Variants in CNTN5 observed in about 807,000 individuals in gnomAD.
The protein encoded by CNTN5 is contactin-5.
Under a neutral mutation model 129.1 loss-of-function variants are expected in CNTN5, and 77 were observed. The ratio of observed to expected loss-of-function variants is 0.60; its 90% CI spans 0.50 to 0.72. CNTN5 has a LOEUF of 0.72. Among genes scored for constraint, CNTN5 ranks in the 30% least tolerant of loss-of-function variants. CNTN5 has a pLI of 0.00. For synonymous variants in CNTN5, 509 were observed against 465.6 expected, an observed-to-expected ratio of 1.09 and a Z score of -1.20; for missense variants, 1,478 against 1,328.8, an observed-to-expected ratio of 1.11 and a Z score of -1.75.
chr11:99,489,771 T>C (rs1021393156), intron 2 of CNTN5, among the ~76,000 whole-genome samples: 2 of 152,152 alleles, frequency 1.3e-5, no homozygotes, highest in African/African-American at 2.4e-5. Context: ...ATCATATTCC[T>C]ACTGCAGACC....
chr11:100,115,828 T>C (rs910402789), intron 13 of CNTN5, among the ~76,000 whole-genome samples: 2 of 152,074 alleles, frequency 1.3e-5, no homozygotes, highest in African/African-American at 4.8e-5. Context: ...TTACAAGGTA[T>C]TTTGGGTTTT....
intron 3 of CNTN5, among the ~76,000 whole-genome samples, chr11:99,744,519 C>A (rs982431200): frequency 2.2e-5 from 2 of 92,952 alleles, no homozygotes; most frequent in African/African-American, 8.8e-5. Flanking sequence ...GGCAACATAG[C>A]AAAACCCCGT....
chr11:99,183,003 G>C (rs1325386340), intron 1 of CNTN5, among the ~76,000 whole-genome samples: 2 of 152,130 alleles, frequency 1.3e-5, no homozygotes, highest in Non-Finnish European at 2.9e-5. Flanking sequence ...ATCTGTCATA[G>C]GACCTGTCAC....
intron 2 of CNTN5, among the ~76,000 whole-genome samples, chr11:99,370,673 T>G (rs975338640): frequency 6.6e-6 from 1 of 152,210 alleles, no homozygotes; most frequent in African/African-American, 2.4e-5. Context: ...AGAAATGGAA[T>G]AGATACCCTC....
At chr11:100,325,342 T>G (rs568807323) in intron 21 of CNTN5, among the ~76,000 whole-genome samples, 1 of 152,288 alleles carries the variant, frequency 6.6e-6, no homozygotes, top group East Asian at 1.9e-4. Context: ...GCAACTTTTG[T>G]GTTAGAAATG....
chr11:99,336,694 G>T lies in CNTN5; in HGVS notation c.-71+11210G>T, dbSNP rs553725595. Among the ~76,000 whole-genome samples, 5 of 152,128 alleles carry T rather than the reference G, an allele frequency of 3.3e-5. No homozygotes were observed. In the South Asian group the frequency reaches 1.0e-3, roughly 32 times the overall value. On this transcript the variant is annotated intron_variant, in intron 2 of 24. Coordinates refer to ENST00000524871, the MANE Select transcript of CNTN5 (RefSeq NM_014361.4). Reference sequence around the variant, plus strand: ...GTCTCTACTAAAAGTACGACAATTAGCTGGGCATGGTGCTGGGTGCCTGTA... The same window carrying T: ...GTCTCTACTAAAAGTACGACAATTATCTGGGCATGGTGCTGGGTGCCTGTA...
At chr11:99,035,341 C>G (rs953163095) in intron 1 of CNTN5, among the ~76,000 whole-genome samples, 1 of 151,736 alleles carries the variant, frequency 6.6e-6, no homozygotes, top group Non-Finnish European at 1.5e-5. Context: ...CTTTCTGTCT[C>G]GTTGATCTGT....
At chr11:99,340,159 T>C (rs938470577) in intron 2 of CNTN5, among the ~76,000 whole-genome samples, 1 of 152,200 alleles carries the variant, frequency 6.6e-6, no homozygotes, top group African/African-American at 2.4e-5. Flanking sequence ...AACAAGATTC[T>C]TCTTGTTGAG....
At chr11:100,036,064 T>C (rs556469031) in intron 9 of CNTN5, among the ~76,000 whole-genome samples, 1 of 152,198 alleles carries the variant, frequency 6.6e-6, no homozygotes, top group Admixed American at 6.5e-5. Flanking sequence ...ATGAATGGTA[T>C]TGCCTAGGTT....
At chr11:99,355,412 G>A (rs1938578041) in intron 2 of CNTN5, among the ~76,000 whole-genome samples, 1 of 152,112 alleles carries the variant, frequency 6.6e-6, no homozygotes. Context: ...TCTGGGACCA[G>A]TTTCACATGA....
intron 3 of CNTN5, among the ~76,000 whole-genome samples, chr11:99,591,865 C>A (rs962735591): frequency 1.6e-4 from 25 of 152,096 alleles, no homozygotes; most frequent in African/African-American, 5.3e-4. Context: ...AACTGAAATA[C>A]CAGTATTTTG....
intron 1 of CNTN5, among the ~76,000 whole-genome samples, chr11:99,188,400 C>T (rs565415241): frequency 6.6e-6 from 1 of 151,866 alleles, no homozygotes; most frequent in South Asian, 2.1e-4. Flanking sequence ...ACGAGAATGT[C>T]CCTTTCATCA....
chr11:99,504,053 C>T (rs556004203), intron 2 of CNTN5, among the ~76,000 whole-genome samples: 3 of 152,210 alleles, frequency 2.0e-5, no homozygotes, highest in African/African-American at 7.2e-5. Flanking sequence ...AGATTTTTCT[C>T]ACCCATATTT....
At chr11:99,590,441 C>A (rs559078815) in intron 3 of CNTN5, among the ~76,000 whole-genome samples, 1 of 152,048 alleles carries the variant, frequency 6.6e-6, no homozygotes, top group Non-Finnish European at 1.5e-5. Context: ...CCTCAAATGG[C>A]AATGATATTA....
chr11:100,220,979 G>A (rs1949251984), intron 15 of CNTN5, among the ~76,000 whole-genome samples: 1 of 152,176 alleles, frequency 6.6e-6, no homozygotes, highest in Non-Finnish European at 1.5e-5. Context: ...AATGATCCTT[G>A]GCTGCACTAG....
intron 1 of CNTN5, among the ~76,000 whole-genome samples, chr11:99,217,060 G>A (rs1860165014): frequency 6.6e-6 from 1 of 152,074 alleles, no homozygotes; most frequent in African/African-American, 2.4e-5. Context: ...TGTGCCTGTA[G>A]TCCCAGCTAC....
chr11:99,971,089 G>A (rs927063908), intron 8 of CNTN5, among the ~76,000 whole-genome samples: 6 of 152,110 alleles, frequency 3.9e-5, no homozygotes, highest in African/African-American at 1.4e-4. Flanking sequence ...CCTTATGCTT[G>A]TCCATATTGA....
intron 3 of CNTN5, among the ~76,000 whole-genome samples, chr11:99,676,131 A>G (rs1591463385): frequency 6.6e-6 from 1 of 151,956 alleles, no homozygotes; most frequent in African/African-American, 2.4e-5. Context: ...ATTACTTGCT[A>G]TTCATATTGT....
chr11:100,209,937 G>C (rs1404673281), intron 15 of CNTN5, among the ~76,000 whole-genome samples: 1 of 152,106 alleles, frequency 6.6e-6, no homozygotes, highest in Non-Finnish European at 1.5e-5. Context: ...CTAGTGGAGA[G>C]AATGAAAATA....
Sources: gnomAD v4.1 joint callset for allele counts (sites outside exome capture counted in the v4.1 genomes callset) on GRCh38, gnomAD v4.1.1 for gene constraint, MANE v1.5 for transcripts, NCBI Gene and HGNC (gene_info 2026-07-23, HGNC 2026-07-21) for gene names.